NUBPL: variants seen among roughly 807,000 people sequenced by gnomAD.
The protein encoded by NUBPL is iron-sulfur cluster transfer protein NUBPL.
NUBPL carries 31 observed loss-of-function variants against 45.7 expected under a neutral mutation model. The ratio of observed to expected loss-of-function variants is 0.68; its 90% CI spans 0.51 to 0.92. NUBPL has a LOEUF of 0.92. NUBPL is among the 40% of genes least tolerant of loss of function. The pLI, the probability that NUBPL is intolerant of heterozygous loss-of-function variation, is 0.00. For synonymous variants in NUBPL, 144 were observed against 140.9 expected (o/e 1.02, Z -0.15); for missense variants, 401 against 398.7 (o/e 1.01, Z -0.05).
At chr14:31,798,143 A>G (rs1249762852) in intron 7 of NUBPL, among the ~76,000 whole-genome samples, 2 of 151,656 alleles carry the variant, frequency 1.3e-5, no homozygotes, top group Non-Finnish European at 2.9e-5. Flanking sequence ...CTTTCTTACC[A>G]TCCTGCTGAT....
At chr14:31,602,487 A>G (rs2034468642) in intron 4 of NUBPL, among the ~76,000 whole-genome samples, 2 of 152,032 alleles carry the variant, frequency 1.3e-5, no homozygotes, top group African/African-American at 4.8e-5. Flanking sequence ...CTGAACACGT[A>G]GAGCACCGAA....
In NUBPL at chr14:31,775,119, T is replaced by C. The variant is rs1462351214; in HGVS notation, c.514-12661T>C. Reference sequence around the variant, plus strand: ...GCACAACAGCTCACTGAATGCATTCTATTTGGATCCAAAAGTGGCTGGGCA... The same window carrying C: ...GCACAACAGCTCACTGAATGCATTCCATTTGGATCCAAAAGTGGCTGGGCA... On this transcript the variant is annotated intron_variant, in intron 6 of 10. Coordinates refer to ENST00000281081, the MANE Select transcript of NUBPL (RefSeq NM_025152.3). Among the ~76,000 whole-genome samples the C allele has an allele frequency of 3.3e-5, 5 of 152,178 alleles. No homozygotes were observed. The East Asian group carries it at 7.7e-4, about 23-fold the overall frequency.
At chr14:31,794,796 A>C (rs1280589766) in intron 7 of NUBPL, among the ~76,000 whole-genome samples, 1 of 35,040 alleles carries the variant, frequency 2.9e-5, no homozygotes, top group Non-Finnish European at 5.6e-5. Flanking sequence ...TTGGACATGA[A>C]GTCCTTGCCC....
intron 3 of NUBPL, among the ~76,000 whole-genome samples, chr14:31,597,912 A>T (rs8016832): frequency 0.3 from 46,087 of 151,728 alleles, 7,704 homozygotes; most frequent in South Asian, 0.41. Flanking sequence ...AGTAAATTTA[A>T]TTGTTTTAAT....
chr14:31,846,518 T>C lies in NUBPL; in HGVS notation c.741T>C (p.Cys247=). 6.2e-7 allele frequency: 1 copy of C among 1,613,404 alleles called. No homozygotes were observed. Among genetic ancestry groups the C allele is most frequent in the Non-Finnish European group, 8.5e-7 (1 of 1,179,672 alleles). Residue 247 remains cysteine (C), a synonymous_variant, in exon 9 of 11, where the codon TGT becomes TGC. Transcript: ENST00000281081. ...TGAGTGTTTTCCAGTGTCCAAAATG[T>C]AAACACAAAACTCATATTTTTGGTG... ...QNMSVFQCPK[C]KHKTHIFGAD...
chr14:31,818,840 G>A (rs1188901782), intron 7 of NUBPL, among the ~76,000 whole-genome samples: 1 of 152,218 alleles, frequency 6.6e-6, no homozygotes, highest in Non-Finnish European at 1.5e-5. Flanking sequence ...GAGCTGCCGT[G>A]CCCAGCCAAT....
intron 4 of NUBPL, among the ~76,000 whole-genome samples, chr14:31,671,361 A>G (rs2036566383): frequency 6.6e-6 from 1 of 152,232 alleles, no homozygotes; most frequent in African/African-American, 2.4e-5. Flanking sequence ...TCTCTTTGAC[A>G]TACTGATATC....
chr14:31,715,425 T>C (rs367987161), intron 6 of NUBPL, among the ~76,000 whole-genome samples: 2 of 152,224 alleles, frequency 1.3e-5, no homozygotes, highest in East Asian at 1.9e-4. Flanking sequence ...TGTGCGAACA[T>C]CATAGAGTGT....
In NUBPL at chr14:31,684,314, C is replaced by CT. The variant is rs535959155; in HGVS notation, c.513+10748dup. On this transcript the variant is annotated intron_variant, in intron 6 of 10. Transcript: ENST00000281081. ...AATTATTTTATTTTGTCTGGGTATA[C>CT]TTTTTTTTCACATTTTAACTTATCT... Among the ~76,000 whole-genome samples, 4 of 152,056 alleles carry CT rather than the reference C, an allele frequency of 2.6e-5. No homozygotes were observed. In the East Asian group the frequency reaches 5.8e-4, roughly 22 times the overall value.
Position 31,708,100 on chromosome 14 carries a change from G to A in NUBPL, c.513+34526G>A, listed in dbSNP as rs575902571. Among the ~76,000 whole-genome samples, 107 of 152,290 alleles carry A rather than the reference G, an allele frequency of 7.0e-4. 1 individual carries two copies. In the South Asian group the frequency reaches 0.012, roughly 17 times the overall value. On this transcript the variant is annotated intron_variant, in intron 6 of 10. Coordinates refer to ENST00000281081, the MANE Select transcript of NUBPL (RefSeq NM_025152.3). Reference sequence around the variant, plus strand: ...TGAGAGAGCAGGATATAGGGGTTGGGTACAACTGGATATAGAGGAATTACT... The same window carrying A: ...TGAGAGAGCAGGATATAGGGGTTGGATACAACTGGATATAGAGGAATTACT...
intron 6 of NUBPL, among the ~76,000 whole-genome samples, chr14:31,696,257 G>C (rs12878072): frequency 0.37 from 56,444 of 152,062 alleles, 12,710 homozygotes; most frequent in East Asian, 0.6. Flanking sequence ...GTCTTCTTGG[G>C]TCAACTCTAG....
At chr14:31,826,820 C>A in intron 8 of NUBPL, 106 bp downstream of exon 8, 1 of 1,002,440 alleles carries the variant, frequency 1.0e-6, no homozygotes, top group Non-Finnish European at 1.6e-6. Flanking sequence ...GTACAGAAGT[C>A]TTTATGAAAG....
intron 6 of NUBPL, among the ~76,000 whole-genome samples, chr14:31,749,948 G>C (rs1399564504): frequency 6.6e-6 from 1 of 151,978 alleles, no homozygotes. Context: ...CTGTTTTCAA[G>C]TTCAGAAATT....
chr14:31,666,892 T>C (rs1249390044), intron 4 of NUBPL, among the ~76,000 whole-genome samples: 1 of 152,238 alleles, frequency 6.6e-6, no homozygotes, highest in African/African-American at 2.4e-5. Context: ...TACTCTCTTC[T>C]GGCTTGTAGG....
At chr14:31,782,041 C>T (rs543576388) in intron 6 of NUBPL, among the ~76,000 whole-genome samples, 22 of 152,178 alleles carry the variant, frequency 1.4e-4, no homozygotes, top group Non-Finnish European at 2.9e-4. Context: ...CCAAATTTGA[C>T]AAAATAATTT....
chr14:31,841,917 CTTTTTTTTTTTTT>C (rs547795007), intron 8 of NUBPL, among the ~76,000 whole-genome samples: 5 of 43,036 alleles, frequency 1.2e-4, no homozygotes, highest in African/African-American at 4.6e-4. Flanking sequence ...CGATTCTGGG[CTTTTTTTTTTTTT>C]TTTTTTTTTT....
chr14:31,774,979 G>T (rs986133188), intron 6 of NUBPL, among the ~76,000 whole-genome samples: 3 of 152,158 alleles, frequency 2.0e-5, no homozygotes, highest in African/African-American at 7.2e-5. Flanking sequence ...TATCACTCTA[G>T]TGATTCCAAG....
chr14:31,692,725 T>G (rs1300696283), intron 6 of NUBPL, among the ~76,000 whole-genome samples: 1 of 152,266 alleles, frequency 6.6e-6, no homozygotes, highest in Non-Finnish European at 1.5e-5. Flanking sequence ...ATAAGGAATA[T>G]TCTCAGCTTT....
intron 7 of NUBPL, among the ~76,000 whole-genome samples, chr14:31,820,149 AAAAAGAAAAAG>A (rs1276728662): frequency 1.5e-5 from 1 of 64,600 alleles, no homozygotes; most frequent in Non-Finnish European, 4.2e-5. Context: ...CAAAAAAAAA[AAAAAGAAAAAG>A]AAAAAAATAT....
Sources: allele counts gnomAD v4.1 joint callset (sites outside exome capture counted in the v4.1 genomes callset), GRCh38; gene constraint gnomAD v4.1.1; transcripts MANE v1.5; gene names NCBI Gene and HGNC (gene_info 2026-07-23, HGNC 2026-07-21).